Variants in NID1 observed in about 807,000 individuals in gnomAD.
NID1 encodes nidogen-1.
NID1 carries 76 observed loss-of-function variants against 130.6 expected under a neutral mutation model. That is an observed-to-expected ratio of 0.58 (90% CI 0.48 to 0.70). The LOEUF (loss-of-function observed/expected upper bound fraction) is 0.70, where lower values mean the gene tolerates loss of function less well. NID1 is among the 30% of genes least tolerant of loss of function. The pLI is 0.00. For missense variants in NID1, 1,517 were observed against 1,664.8 expected (o/e 0.91, Z 1.54); for synonymous variants, 665 against 675.1 (o/e 0.98, Z 0.23).
At chr1:236,011,306 CTT>C (rs60420534) in intron 12 of NID1, among the ~76,000 whole-genome samples, 19 of 100,118 alleles carry the variant, frequency 1.9e-4, no homozygotes, top group African/African-American at 2.1e-4. Context: ...CTTTTTTTTT[CTT>C]TTTTTTTTTT....
rs3831991 is a variant in NID1 at position 235,991,115 on chromosome 1, G to GCA, written c.2756-59_2756-58dup. ...CCGTGTGCACCAGGAACACACAGAT[G>GCA]CACACACACACACCCCCACACACAT... On this transcript the variant is annotated intron_variant, in intron 13 of 19. Transcript: ENST00000264187. The GCA allele has an allele frequency of 7.6e-3, 10,136 of 1,339,386 alleles. 484 individuals carry two copies. The African/African-American group carries it at 0.15, about 20-fold the overall frequency. 83.0% of individuals were successfully genotyped at this position (1,339,386 alleles called of 1,614,324 possible). A position where few individuals can be genotyped will look rare whatever the true frequency, so the allele number is the denominator to read the frequency against.
rs757319472 is a variant in NID1, at chr1:236,029,749, C to G, written c.1539G>C (p.Gly513=). The G allele has an allele frequency of 6.2e-7, 1 of 1,614,042 alleles. No individual in the cohort carries two copies. Among genetic ancestry groups the G allele is most frequent in the Admixed American group, 1.7e-5 (1 of 60,016 alleles). The part of the protein sequence containing the change: ...DGFKNGFSIT[G]GEFTRQAEVT... ...CCTCAGCCTGGCGAGTGAACTCACCCCCTGAAAAACAAGATGAGACTGTCA... is the reference window on the plus strand; with the variant it reads ...CCTCAGCCTGGCGAGTGAACTCACCGCCTGAAAAACAAGATGAGACTGTCA... Residue 513 remains glycine (G), a splice_region_variant and synonymous_variant, in exon 7 of 20, where the codon GGG becomes GGC. Coordinates refer to ENST00000264187, the MANE Select transcript of NID1 (RefSeq NM_002508.3).
At chr1:236,017,831 T>C (rs761764908) in intron 9 of NID1, among the ~76,000 whole-genome samples, 1 of 152,214 alleles carries the variant, frequency 6.6e-6, no homozygotes, top group Non-Finnish European at 1.5e-5. Flanking sequence ...CTGGGGCCCC[T>C]GAACACGAGT....
At position 235,979,998 on chromosome 1, in the gene NID1, T is replaced by C; in HGVS notation, c.3386-53A>G. 2 of 1,590,608 alleles carry C rather than the reference T, an allele frequency of 1.3e-6. No homozygotes were observed. The highest frequency in any genetic ancestry group is 1.7e-6 in the Non-Finnish European group (2 of 1,169,662). ...TTGTTCACACAAGAAATGGCCCCTTTGTGCAAAAAAAACAAGAGTAATGAG... is the reference window on the plus strand; with the variant it reads ...TTGTTCACACAAGAAATGGCCCCTTCGTGCAAAAAAAACAAGAGTAATGAG... On this transcript the variant is annotated intron_variant, in intron 17 of 19. Transcript: ENST00000264187. The surrounding 1 kb of genome is among the most constrained non-coding windows in gnomAD (Gnocchi z 4.6).
chr1:236,047,748 CG>C (rs1311442066), intron 2 of NID1, among the ~76,000 whole-genome samples: 2 of 152,076 alleles, frequency 1.3e-5, no homozygotes, highest in East Asian at 3.8e-4. Context: ...TCCTTCCAGC[CG>C]GGCTCGGTGG....
intron 2 of NID1, among the ~76,000 whole-genome samples, chr1:236,047,798 G>T (rs1659648284): frequency 6.6e-6 from 1 of 151,820 alleles, no homozygotes; most frequent in East Asian, 1.9e-4. Context: ...AGGCTGAGGT[G>T]GGTGGATCAT....
At chr1:236,042,824 C>T (rs1369844508) in intron 3 of NID1, among the ~76,000 whole-genome samples, 1 of 152,128 alleles carries the variant, frequency 6.6e-6, no homozygotes, top group East Asian at 1.9e-4. Context: ...TGACTGATGG[C>T]TGGGAGCTCC....
intron 12 of NID1, among the ~76,000 whole-genome samples, chr1:236,010,713 T>A (rs1049588039): frequency 2.2e-4 from 34 of 152,234 alleles, no homozygotes; most frequent in Admixed American, 1.8e-3. Context: ...TGTGTTCCAA[T>A]AAAACTTTAT....
At chr1:236,034,492 A>G (rs1659195470) in intron 5 of NID1, among the ~76,000 whole-genome samples, 1 of 152,150 alleles carries the variant, frequency 6.6e-6, no homozygotes, top group African/African-American at 2.4e-5. Context: ...AAAACAGGCC[A>G]TGAACCTTGA....
intron 1 of NID1, among the ~76,000 whole-genome samples, chr1:236,057,294 T>G (rs1323024322): frequency 6.6e-6 from 1 of 151,984 alleles, no homozygotes; most frequent in African/African-American, 2.4e-5. Flanking sequence ...GCACTTTAGT[T>G]TTTATGAATG....
chr1:236,024,310 G>A (rs986746030), intron 8 of NID1, 97 bp from the exon 9 acceptor site: 5 of 1,432,002 alleles, frequency 3.5e-6, no homozygotes, highest in Admixed American at 2.0e-5. Context: ...TGAGCAAGAA[G>A]GTGATCACAG....
chr1:236,039,407 C>T lies in NID1; in HGVS notation c.1136-1154G>A, dbSNP rs868083789. ...ATTCTTTTTAATTTTAAATCACCTCCCACCCCACCCCAACATACACTTTTC... is the reference window on the plus strand; with the variant it reads ...ATTCTTTTTAATTTTAAATCACCTCTCACCCCACCCCAACATACACTTTTC... On this transcript the variant is annotated intron_variant, in intron 4 of 19. Transcript: ENST00000264187. Among the ~76,000 whole-genome samples, 22 of 151,704 alleles carry T rather than the reference C, an allele frequency of 1.5e-4. 1 individual carries two copies. Among genetic ancestry groups the T allele is most frequent in the African/African-American group, 5.3e-4 (22 of 41,372 alleles).
Position 236,042,189 on chromosome 1 carries a change from C to G in NID1, c.856G>C (p.Gly286Arg). 6.2e-7 allele frequency: 1 copy of G among 1,613,968 alleles called. No homozygotes were observed. The highest frequency in any genetic ancestry group is 8.5e-7 in the Non-Finnish European group (1 of 1,180,036). ...TCATCCTCATCATCATACTCTGCCC[C>G]ATCTTCAGTTCCGAGGATCACGTCT... is the stretch of plus-strand genomic sequence containing the variant. The part of the protein sequence containing the change: ...PADVILGTED[G>R]AEYDDEDEDY... The change falls in exon 4 of 20, where the codon GGG (glycine) becomes CGG (arginine). Residue 286 changes from glycine to arginine, a missense_variant. Gly to Arg is a moderately radical substitution (Grantham distance 125, BLOSUM62 -2). This residue lies in a region of NID1 where 1,329 missense variants were observed against 1,429.2 expected (regional missense o/e 0.93). Coordinates refer to ENST00000264187, the MANE Select transcript of NID1 (RefSeq NM_002508.3).
chr1:235,977,504 A>G lies in NID1; in HGVS notation c.*363T>C. On this transcript the variant is annotated 3_prime_UTR_variant, in exon 20 of 20. Transcript: ENST00000264187. The stretch of plus-strand genomic sequence containing the variant: ...AAAGCGAGGCTGAGCTCATAAGGCC[A>G]CAGGGAAGGGTGCAACTCAAATTTG... 5.4e-6 allele frequency: 1 copy of G among 184,160 alleles called. No individual in the cohort carries two copies. The highest frequency in any genetic ancestry group is 5.5e-5 in the Admixed American group (1 of 18,234). 11.4% of individuals were successfully genotyped at this position (184,160 alleles called of 1,614,324 possible). A position where few individuals can be genotyped will look rare whatever the true frequency, so the allele number is the denominator to read the frequency against.
chr1:236,028,595 A>G (rs1465454868), intron 7 of NID1, among the ~76,000 whole-genome samples: 1 of 152,192 alleles, frequency 6.6e-6, no homozygotes, highest in East Asian at 1.9e-4. Context: ...TGGCCTTGTA[A>G]AAGAATGTCC....
At chr1:236,051,298 A>C (rs879329653) in intron 1 of NID1, among the ~76,000 whole-genome samples, 3 of 126,698 alleles carry the variant, frequency 2.4e-5, no homozygotes, top group Non-Finnish European at 4.9e-5. Flanking sequence ...CTCCTCCCAG[A>C]GTCTTATCCC....
rs762712299 is a variant in NID1, at chr1:236,025,933, C to A, written c.1947G>T (p.Leu649Phe). The A allele has an allele frequency of 1.9e-6, 3 of 1,614,036 alleles. No individual in the cohort carries two copies. The highest frequency in any genetic ancestry group is 2.5e-6 in the Non-Finnish European group (3 of 1,179,990). Residue 649 changes from leucine (L) to phenylalanine (F), a missense_variant, in exon 8 of 20, where the codon TTG (leucine) becomes TTT (phenylalanine). Around this residue, in one of 3 missense-constraint regions of NID1, gnomAD observed 1,329 missense variants for 1,429.2 expected, o/e 0.93. Transcript: ENST00000264187. Reference protein sequence around the residue: ...FVLYNQEEKILRYALSNSIGP... With the variant: ...FVLYNQEEKIFRYALSNSIGP... Reference sequence around the variant, plus strand: ...CAATGGAGTTGCTGAGAGCATAGCGCAAGATCTTCTCCTCCTGGTTGTACA... The same window carrying A: ...CAATGGAGTTGCTGAGAGCATAGCGAAAGATCTTCTCCTCCTGGTTGTACA...
chr1:235,985,962 G>C (rs908944634), intron 14 of NID1, among the ~76,000 whole-genome samples: 5 of 151,958 alleles, frequency 3.3e-5, no homozygotes, highest in Non-Finnish European at 7.4e-5. Context: ...GAGTCTCACT[G>C]TCTTGCCCAC....
At chr1:236,034,264 T>C (rs988616729) in intron 5 of NID1, among the ~76,000 whole-genome samples, 3 of 151,290 alleles carry the variant, frequency 2.0e-5, no homozygotes, top group African/African-American at 4.9e-5. Context: ...CTACTAAAAA[T>C]ACAAAAAATT....
Sources: gnomAD v4.1 joint callset for allele counts (sites outside exome capture counted in the v4.1 genomes callset) on GRCh38, gnomAD v4.1.1 for gene constraint, gnomAD v4.1.1 regional missense constraint, Gnocchi (gnomAD v3.1) non-coding constraint, MANE v1.5 for transcripts, NCBI Gene and HGNC (gene_info 2026-07-23, HGNC 2026-07-21) for gene names.